Variants in TSC2 observed in about 807,000 individuals in gnomAD.
The protein encoded by TSC2 is TSC complex subunit 2.
TSC2 carries 29 observed loss-of-function variants against 202.2 expected under a neutral mutation model. The ratio of observed to expected loss-of-function variants is 0.14; its 90% confidence interval spans 0.11 to 0.20. The LOEUF (loss-of-function observed/expected upper bound fraction) is 0.20. Ranked by LOEUF, TSC2 falls within the 10% of genes least tolerant of loss-of-function variation. The pLI is 1.00. For missense variants in TSC2, 2,429 were observed against 2,420.0 expected (o/e 1.00, Z -0.08); for synonymous variants, 1,349 against 1,044.0 (o/e 1.29, Z -5.63).
chr16:2,064,224 T>G, intron 14 of TSC2, 48 bp from the exon 15 acceptor site: 1 of 1,613,534 alleles, frequency 6.2e-7, no homozygotes, highest in Non-Finnish European at 8.5e-7. Context: ...TCACGAGATG[T>G]GGCCCTCGTT....
chr16:2,062,206 G>C (rs1204490595), intron 12 of TSC2, among the ~76,000 whole-genome samples, 198 bp downstream of exon 12: 1 of 152,232 alleles, frequency 6.6e-6, no homozygotes, highest in African/African-American at 2.4e-5. Context: ...CCACCCATCA[G>C]TTTCCTCCCA....
At chr16:2,056,011 G>GA (rs1222388402) in intron 6 of TSC2, 185 bp from the exon 7 acceptor site, 12 of 704,046 alleles carry the variant, frequency 1.7e-5, no homozygotes, top group Admixed American at 4.1e-5. Flanking sequence ...CACTCATGCT[G>GA]AACACCCAGC....
chr16:2,057,123 G>T lies in TSC2; in HGVS notation c.793G>T (p.Gly265Cys). 1 of 1,551,562 alleles carries T rather than the reference G, an allele frequency of 6.4e-7. No homozygotes were observed. The highest frequency in any genetic ancestry group is 8.7e-7 in the Non-Finnish European group (1 of 1,147,002). The change falls in exon 9 of 42, where the codon GGC (glycine) becomes TGC (cysteine). Residue 265 changes from glycine to cysteine, a missense_variant. By Grantham distance (159) the Gly-to-Cys change is radical. Transcript: ENST00000219476. ...PCWKLMRNLL[G>C]THLGHSAIYN... ...CTCGCAGCTGATGCGGAACCTCCTT[G>T]GCACCCACCTGGGCCACAGCGCCAT...
intron 10 of TSC2, 57 bp from the exon 11 acceptor site, chr16:2,060,611 GGC>G: frequency 6.2e-7 from 1 of 1,612,542 alleles, no homozygotes; most frequent in Non-Finnish European, 8.5e-7. Flanking sequence ...TGACTGGGAG[GGC>G]GTCCCACAGC....
rs372321790 is a variant in TSC2 at position 2,053,408 on chromosome 16, C to T, written c.292C>T (p.Arg98Trp). Residue 98 changes from arginine to tryptophan, a missense_variant, in exon 4 of 42, where the codon CGG becomes TGG. Transcript: ENST00000219476. ...GCAGCCGGAGCGGCCGCTGGAGGCC[C>T]GGCACGCGGTGCTGGCTCTGCTGAA... is the stretch of plus-strand genomic sequence containing the variant. ...LLQPERPLEA[R>W]HAVLALLKAI... 23 of 1,588,458 alleles carry T rather than the reference C, an allele frequency of 1.4e-5. No individual in the cohort carries two copies. Among genetic ancestry groups the T allele is most frequent in the Admixed American group, 1.2e-4 (7 of 56,452 alleles).
intron 2 of TSC2, 149 bp from the exon 3 acceptor site, chr16:2,050,251 C>A: frequency 1.2e-6 from 1 of 814,644 alleles, no homozygotes; most frequent in Non-Finnish European, 2.1e-6. Context: ...GCCACCGCGG[C>A]TCGTCAAGTG....
intron 16 of TSC2, among the ~76,000 whole-genome samples, chr16:2,069,912 C>G (rs1378480022): frequency 1.3e-5 from 2 of 152,238 alleles, no homozygotes; most frequent in East Asian, 1.9e-4. Context: ...CACACCTGGC[C>G]TCAGTCATTT....
At chr16:2,058,132 C>T (rs890412911) in intron 9 of TSC2, among the ~76,000 whole-genome samples, 1 of 150,726 alleles carries the variant, frequency 6.6e-6, no homozygotes, top group Non-Finnish European at 1.5e-5. Context: ...TCAGCCCCTG[C>T]ATCTCTCCCT....
chr16:2,077,591 C>G lies in TSC2; in HGVS notation c.2838-7C>G, dbSNP rs752762518. The G allele has an allele frequency of 6.2e-7, 1 of 1,612,758 alleles. No homozygotes were observed. The highest frequency in any genetic ancestry group is 1.3e-5 in the African/African-American group (1 of 74,920). On this transcript the variant is annotated splice_polypyrimidine_tract_variant and splice_region_variant and intron_variant, in intron 25 of 41. Transcript: ENST00000219476. The stretch of plus-strand genomic sequence containing the variant: ...TGGGGCGTTGGGGCTCCTTCCTCAC[C>G]CGATAGTCTGAGGATAGCCAGACCC...
intron 38 of TSC2, 35 bp downstream of exon 38, chr16:2,086,906 G>T: frequency 5.1e-6 from 8 of 1,556,694 alleles, no homozygotes; most frequent in South Asian, 4.7e-5. Context: ...CTGGGCCCCA[G>T]GCAGGTGCCC....
At chr16:2,080,719 C>A in intron 30 of TSC2, 2 of 298,922 alleles carry the variant, frequency 6.7e-6, no homozygotes, top group Middle Eastern at 1.2e-3. Flanking sequence ...CTCCTGACCT[C>A]GTGATCCGCC....
At position 2,079,337 on chromosome 16, in the gene TSC2, A is replaced by G. The variant is rs751955670; in HGVS notation, c.3193A>G (p.Lys1065Glu). 1 of 1,612,994 alleles carries G rather than the reference A, an allele frequency of 6.2e-7. No individual in the cohort carries two copies. Residue 1065 changes from lysine (K) to glutamate (E), a missense_variant, in exon 28 of 42, where the codon AAG (lysine) becomes GAG (glutamate). Coordinates refer to ENST00000219476, the MANE Select transcript of TSC2 (RefSeq NM_000548.5). This position sits in a 1 kb window ranked among gnomAD's most constrained non-coding sequence, Gnocchi z 4.6. ...GACCAAAACCTGGCTGGTTGGGAACAAGCTTGTCACTGTGACGACAAGCGT... is the reference window on the plus strand; with the variant it reads ...GACCAAAACCTGGCTGGTTGGGAACGAGCTTGTCACTGTGACGACAAGCGT... ...GRTKTWLVGN[K>E]LVTVTTSVGT...
chr16:2,088,206 AC>A lies in TSC2; in HGVS notation c.5161-16del, dbSNP rs751705828. ...CCAGGTGCCACCTGATAGTGAGCTC[AC>A]CCCCTGCCTACGTCCCCAGATGGCC... is the stretch of plus-strand genomic sequence containing the variant. On this transcript the variant is annotated intron_variant, in intron 40 of 41. Transcript: ENST00000219476. 2 of 1,612,432 alleles carry A rather than the reference AC, an allele frequency of 1.2e-6. No individual in the cohort carries two copies. Among genetic ancestry groups the A allele is most frequent in the Non-Finnish European group, 1.7e-6 (2 of 1,179,754 alleles).
In TSC2 at chr16:2,079,199, C is replaced by A. The variant is rs1420280878; in HGVS notation, c.3131+3C>A. Reference sequence around the variant, plus strand: ...AACTTCACGGCTGTCCCGAAGAGGTCCAGGCGGCACTACAGGGCTGGGCGG... The same window carrying A: ...AACTTCACGGCTGTCCCGAAGAGGTACAGGCGGCACTACAGGGCTGGGCGG... On this transcript the variant is annotated splice_donor_region_variant and intron_variant, in intron 27 of 41. Transcript: ENST00000219476. This position sits in a 1 kb window ranked among gnomAD's most constrained non-coding sequence, Gnocchi z 4.6. 30 of 1,612,844 alleles carry A rather than the reference C, an allele frequency of 1.9e-5. No individual in the cohort carries two copies. Among genetic ancestry groups the A allele is most frequent in the Non-Finnish European group, 2.4e-5 (28 of 1,180,010 alleles).
Position 2,079,321 on chromosome 16 carries a change from C to G in TSC2, c.3177C>G (p.Thr1059=), listed in dbSNP as rs1031918517. 1.2e-6 allele frequency: 2 copies of G among 1,613,092 alleles called. No individual in the cohort carries two copies. Among genetic ancestry groups the G allele is most frequent in the Non-Finnish European group, 1.7e-6 (2 of 1,180,046 alleles). Residue 1059 remains threonine (T), a synonymous_variant, in exon 28 of 42, where the codon ACC becomes ACG. Transcript: ENST00000219476. The surrounding 1 kb of genome is among the most constrained non-coding windows in gnomAD (Gnocchi z 4.6). ...TCCTAGCGGGTGGCAGGACCAAAAC[C>G]TGGCTGGTTGGGAACAAGCTTGTCA... is the stretch of plus-strand genomic sequence containing the variant. The part of the protein sequence containing the change: ...EFLLAGGRTK[T]WLVGNKLVTV...
rs144949495 is a variant in TSC2 at position 2,065,717 on chromosome 16, T to C, written c.1716+82T>C. 9.9e-4 allele frequency: 1,284 copies of C among 1,295,228 alleles called. 15 individuals are homozygous for C. In the African/African-American group the frequency reaches 0.017, roughly 17 times the overall value. The allele number at this position is 1,295,228 out of a possible 1,614,324, so 80.2% of individuals were successfully genotyped here. A position where few individuals can be genotyped will look rare whatever the true frequency, so the allele number is the denominator to read the frequency against. ...GCTGCATCTGCGTTGTGTTGGAGTCTGTTCCCCAGCGGGACCCACACCCTC... is the reference window on the plus strand; with the variant it reads ...GCTGCATCTGCGTTGTGTTGGAGTCCGTTCCCCAGCGGGACCCACACCCTC... On this transcript the variant is annotated intron_variant, in intron 16 of 41. Coordinates refer to ENST00000219476, the MANE Select transcript of TSC2 (RefSeq NM_000548.5).
chr16:2,085,559 G>A (rs959458688), intron 36 of TSC2, among the ~76,000 whole-genome samples: 1 of 152,226 alleles, frequency 6.6e-6, no homozygotes, highest in Non-Finnish European at 1.5e-5. Context: ...AGGACTGGGC[G>A]GGTGGCACCG....
intron 22 of TSC2, 135 bp downstream of exon 22, chr16:2,074,524 C>A: frequency 9.0e-7 from 1 of 1,113,126 alleles, no homozygotes; most frequent in Non-Finnish European, 1.3e-6. Context: ...AGGGCCTGGG[C>A]GTCTCTGCCC....
intron 9 of TSC2, among the ~76,000 whole-genome samples, chr16:2,057,690 C>T (rs1218907344): frequency 6.6e-6 from 1 of 152,154 alleles, no homozygotes; most frequent in Non-Finnish European, 1.5e-5. Flanking sequence ...TCGGTGTCAC[C>T]CTTTGCTGGA....
Sources: allele counts gnomAD v4.1 joint callset (sites outside exome capture counted in the v4.1 genomes callset), GRCh38; gene constraint gnomAD v4.1.1; non-coding constraint Gnocchi (gnomAD v3.1); transcripts MANE v1.5; gene names NCBI Gene and HGNC (gene_info 2026-07-23, HGNC 2026-07-21).